The following DAB1 variants were observed in gnomAD, a reference collection of about 807,000 sequenced individuals.
DAB1 encodes DAB adaptor protein 1, also known as disabled homolog 1.
In DAB1, 15 loss-of-function variants were observed where a neutral mutation model predicts 64.6. That is an observed-to-expected ratio of 0.23 (90% CI 0.16 to 0.36). The LOEUF (loss-of-function observed/expected upper bound fraction) is 0.36, where lower values mean the gene tolerates loss of function less well. Ranked by LOEUF, DAB1 falls within the 10% of genes least tolerant of loss-of-function variation. The pLI, the probability that DAB1 is intolerant of heterozygous loss-of-function variation, is 1.00. For missense variants in DAB1, 596 were observed against 706.7 expected (o/e 0.84, Z 1.78); for synonymous variants, 235 against 251.9 (o/e 0.93, Z 0.64).
chr1:58,520,647 A>C (rs1362177894), intron 2 of DAB1, among the ~76,000 whole-genome samples: 1 of 152,174 alleles, frequency 6.6e-6, no homozygotes, highest in Non-Finnish European at 1.5e-5. Context: ...GCAAGCACTA[A>C]CTGAAAGAAA....
At chr1:57,047,495 G>C (rs1046279956) in intron 9 of DAB1, among the ~76,000 whole-genome samples, 1 of 151,502 alleles carries the variant, frequency 6.6e-6, no homozygotes, top group Non-Finnish European at 1.5e-5. Flanking sequence ...TCCTCTCTCT[G>C]TTCCCACCCC....
intron 4 of DAB1, among the ~76,000 whole-genome samples, chr1:57,094,784 T>A (rs1654007609): frequency 6.6e-6 from 1 of 152,160 alleles, no homozygotes; most frequent in Non-Finnish European, 1.5e-5. Context: ...CATACCTGGA[T>A]CACAGGATGC....
chr1:58,295,608 C>A (rs1162590125), intron 4 of DAB1, among the ~76,000 whole-genome samples: 1 of 151,994 alleles, frequency 6.6e-6, no homozygotes, highest in African/African-American at 2.4e-5. Flanking sequence ...TTTTGTTTAT[C>A]GCCTTTCTTC....
intron 7 of DAB1, among the ~76,000 whole-genome samples, chr1:57,624,000 C>T (rs780514513): frequency 1.1e-4 from 16 of 152,208 alleles, no homozygotes; most frequent in Non-Finnish European, 2.2e-4. Context: ...TTTGGGCTTT[C>T]ATGCCTTATT....
chr1:57,439,644 GTC>G (rs1685859903), intron 7 of DAB1, among the ~76,000 whole-genome samples: 1 of 137,848 alleles, frequency 7.3e-6, no homozygotes, highest in Admixed American at 7.0e-5. Context: ...AGCCAGGATG[GTC>G]TTGATCTTCT....
intron 1 of DAB1, chr1:58,536,383 G>A (rs750449344): frequency 8.9e-5 from 55 of 617,168 alleles, no homozygotes; most frequent in South Asian, 4.7e-4. Flanking sequence ...TGAGGCCTTC[G>A]GGAAAAAAAA....
chr1:57,438,977 C>CA (rs1685803076), intron 7 of DAB1, among the ~76,000 whole-genome samples: 1 of 152,186 alleles, frequency 6.6e-6, no homozygotes, highest in South Asian at 2.1e-4. Flanking sequence ...ACTCCACTCT[C>CA]AGCTCTGGGT....
chr1:57,856,026 G>A (rs852800), intron 1 of DAB1, among the ~76,000 whole-genome samples: 35,847 of 152,026 alleles, frequency 0.24, 4,978 homozygotes, highest in Non-Finnish European at 0.31. Flanking sequence ...ATAAATATAC[G>A]ATGTGAAAGA....
chr1:57,640,261 C>CT (rs994335758), intron 7 of DAB1, among the ~76,000 whole-genome samples: 3 of 152,080 alleles, frequency 2.0e-5, no homozygotes, highest in Non-Finnish European at 4.4e-5. Flanking sequence ...TTCCTGCTTC[C>CT]TTTTTTTGTT....
chr1:57,285,576 C>T (rs982847604), intron 2 of DAB1, among the ~76,000 whole-genome samples: 3 of 152,126 alleles, frequency 2.0e-5, no homozygotes, highest in African/African-American at 7.2e-5. Flanking sequence ...CCAGCCCCCT[C>T]ACCTTTCTAA....
chr1:57,804,840 A>T (rs191757079), intron 6 of DAB1, among the ~76,000 whole-genome samples: 8 of 152,340 alleles, frequency 5.3e-5, no homozygotes, highest in Non-Finnish European at 1.5e-5. Flanking sequence ...TTTTAAAGCT[A>T]TGAGCCATTT....
chr1:57,452,166 C>CTTTTTTTT (rs78592207), intron 7 of DAB1, among the ~76,000 whole-genome samples: 2 of 75,010 alleles, frequency 2.7e-5, no homozygotes, highest in African/African-American at 1.2e-4. Flanking sequence ...TGCACCCCCC[C>CTTTTTTTT]TTTTTTTTTT....
intron 7 of DAB1, among the ~76,000 whole-genome samples, chr1:57,574,281 G>T (rs1172435905): frequency 6.6e-6 from 1 of 152,126 alleles, no homozygotes; most frequent in African/African-American, 2.4e-5. Context: ...TGGAGGATTT[G>T]TGGGAGGTAC....
chr1:57,562,120 C>T (rs1645059732), intron 7 of DAB1, among the ~76,000 whole-genome samples: 1 of 152,194 alleles, frequency 6.6e-6, no homozygotes, highest in Non-Finnish European at 1.5e-5. Flanking sequence ...CGCCTGTAAT[C>T]CCAACACTTT....
rs141471661 is a variant in DAB1, at chr1:57,901,298, C to T, written n.388-17136G>A. ...CTGCTGCGGGTTCCCAATTAATAAC[C>T]GCAGAAAGCATTTGCTATTGTTCTG... On this transcript the variant is annotated intron_variant and non_coding_transcript_variant, in intron 5 of 20. Coordinates refer to the DAB1 transcript ENST00000485760. 5.8e-4 allele frequency among the ~76,000 whole-genome samples: 88 copies of T among 152,188 alleles called. No individual in the cohort carries two copies. The East Asian group carries it at 0.013, about 23-fold the overall frequency.
chr1:57,125,449 G>A (rs1040189418), intron 4 of DAB1, among the ~76,000 whole-genome samples: 1 of 152,062 alleles, frequency 6.6e-6, no homozygotes, highest in Non-Finnish European at 1.5e-5. Context: ...TTCTTCTATA[G>A]CAGGTTATAC....
At chr1:57,007,502 T>TG (rs1421485356) in intron 14 of DAB1, among the ~76,000 whole-genome samples, 3 of 152,118 alleles carry the variant, frequency 2.0e-5, no homozygotes, top group Non-Finnish European at 4.4e-5. Context: ...TTCTCCCAGA[T>TG]GGGAGGGTAG....
chr1:57,058,985 T>C (rs1244995529), intron 9 of DAB1, among the ~76,000 whole-genome samples: 5 of 152,210 alleles, frequency 3.3e-5, no homozygotes, highest in African/African-American at 1.2e-4. Flanking sequence ...CAAAGAGAAG[T>C]ATTAGAGGTA....
intron 4 of DAB1, among the ~76,000 whole-genome samples, chr1:57,079,268 C>G (rs993566479): frequency 6.6e-5 from 10 of 152,186 alleles, no homozygotes; most frequent in African/African-American, 1.9e-4. Flanking sequence ...GAATTTAATG[C>G]CTGCACTGTC....
Sources: allele counts gnomAD v4.1 joint callset (sites outside exome capture counted in the v4.1 genomes callset), GRCh38; gene constraint gnomAD v4.1.1; transcripts MANE v1.5; gene names NCBI Gene and HGNC (gene_info 2026-07-23, HGNC 2026-07-21).